CYSTM1: variants seen among roughly 807,000 people sequenced by gnomAD.
CYSTM1 encodes the protein cysteine rich transmembrane module containing 1.
CYSTM1 carries 4 observed loss-of-function variants against 13.1 expected under a neutral mutation model. The observed-to-expected ratio is 0.31, with a 90% CI of 0.15 to 0.70. The LOEUF (loss-of-function observed/expected upper bound fraction) is 0.70, where lower values mean the gene tolerates loss of function less well. Ranked by LOEUF, CYSTM1 falls within the 30% of genes least tolerant of loss-of-function variation. The pLI is 0.72. For missense variants in CYSTM1, 96 were observed against 121.6 expected, an observed-to-expected ratio of 0.79 and a Z score of 0.99; for synonymous variants, 36 against 42.7, an observed-to-expected ratio of 0.84 and a Z score of 0.62.
intron 2 of CYSTM1, among the ~76,000 whole-genome samples, chr5:140,235,627 G>T (rs1238154436): frequency 6.6e-6 from 1 of 151,622 alleles, no homozygotes; most frequent in African/African-American, 2.4e-5. Context: ...GGATGGTCTC[G>T]ATCTTCTGAC....
intron 1 of CYSTM1, among the ~76,000 whole-genome samples, chr5:140,188,184 C>G (rs1232244741): frequency 1.3e-5 from 2 of 150,978 alleles, no homozygotes; most frequent in African/African-American, 4.9e-5. Flanking sequence ...AAGTGATCCT[C>G]CCACCTCAGC....
intron 2 of CYSTM1, among the ~76,000 whole-genome samples, chr5:140,236,608 A>G (rs917060652): frequency 6.6e-6 from 1 of 152,210 alleles, no homozygotes; most frequent in African/African-American, 2.4e-5. Context: ...CTTTGTTCTC[A>G]TTACAACATT....
chr5:140,199,531 C>A (rs1012528945), intron 2 of CYSTM1, among the ~76,000 whole-genome samples: 3 of 152,206 alleles, frequency 2.0e-5, no homozygotes, highest in Admixed American at 2.0e-4. Flanking sequence ...CACACTGTCG[C>A]CCAGGCTGGA....
At position 140,185,570 on chromosome 5, in the gene CYSTM1, A is replaced by G. The variant is rs146150137; in HGVS notation, c.-20-8876A>G. Among the ~76,000 whole-genome samples the G allele has an allele frequency of 2.1e-3, 315 of 152,346 alleles. 1 individual carries two copies. Among genetic ancestry groups the G allele is most frequent in the African/African-American group, 7.4e-3 (309 of 41,572 alleles). ...AAGAAGAGCAATTTAGAAAATGGCA[A>G]TACCCAGCAATGTGTTTAAAATGCT... On this transcript the variant is annotated intron_variant, in intron 1 of 2. Transcript: ENST00000261811.
intron 1 of CYSTM1, among the ~76,000 whole-genome samples, chr5:140,191,208 GA>G (rs1421411855): frequency 6.6e-6 from 1 of 152,148 alleles, no homozygotes; most frequent in Non-Finnish European, 1.5e-5. Context: ...AGAGGAAACT[GA>G]AAATAGATCC....
chr5:140,189,988 C>A (rs935291134), intron 1 of CYSTM1, among the ~76,000 whole-genome samples: 9 of 152,078 alleles, frequency 5.9e-5, no homozygotes, highest in Admixed American at 5.9e-4. Context: ...TCTCCCAACA[C>A]AAGGATAACC....
rs189447199 is a variant in CYSTM1, at chr5:140,197,628, G to A, written c.187+2976G>A. Reference sequence around the variant, plus strand: ...ATTCCTTGCTTTGGTATTGCTTGTGGGATTCTCAGTCAGAATTATGTGTTC... The same window carrying A: ...ATTCCTTGCTTTGGTATTGCTTGTGAGATTCTCAGTCAGAATTATGTGTTC... On this transcript the variant is annotated intron_variant, in intron 2 of 2. Transcript: ENST00000261811. 9.8e-4 allele frequency among the ~76,000 whole-genome samples: 149 copies of A among 152,190 alleles called. 1 individual carries two copies. Among genetic ancestry groups the A allele is most frequent in the Middle Eastern group, 3.4e-3 (1 of 294 alleles).
At chr5:140,177,546 G>A (rs557629579) in intron 1 of CYSTM1, among the ~76,000 whole-genome samples, 4 of 152,274 alleles carry the variant, frequency 2.6e-5, no homozygotes, top group Non-Finnish European at 5.9e-5. Flanking sequence ...GAAGGTGGCC[G>A]CAGCTGGTTT....
At chr5:140,184,228 C>G (rs1015422590) in intron 1 of CYSTM1, among the ~76,000 whole-genome samples, 2 of 152,074 alleles carry the variant, frequency 1.3e-5, no homozygotes, top group African/African-American at 4.8e-5. Context: ...TTTTTCCCAC[C>G]ATGTTGGTGC....
At position 140,223,525 on chromosome 5, in the gene CYSTM1, G is replaced by A. The variant is rs574783452; in HGVS notation, c.188-19780G>A. Among the ~76,000 whole-genome samples, 9 of 152,334 alleles carry A rather than the reference G, an allele frequency of 5.9e-5. No homozygotes were observed. In the East Asian group the frequency reaches 1.5e-3, roughly 26 times the overall value. ...CTGAGCTGGGATGAGCTGACAAAAA[G>A]GATCAGTACATGCTTAGTACTGCGG... On this transcript the variant is annotated intron_variant, in intron 2 of 2. Coordinates refer to ENST00000261811, the MANE Select transcript of CYSTM1 (RefSeq NM_032412.4).
At chr5:140,231,490 A>G (rs1307416034) in intron 2 of CYSTM1, among the ~76,000 whole-genome samples, 1 of 152,226 alleles carries the variant, frequency 6.6e-6, no homozygotes, top group African/African-American at 2.4e-5. Flanking sequence ...CAAACCCCCA[A>G]TCCCTGCTTT....
intron 2 of CYSTM1, among the ~76,000 whole-genome samples, chr5:140,211,669 A>G (rs1298786083): frequency 6.6e-6 from 1 of 152,204 alleles, no homozygotes; most frequent in African/African-American, 2.4e-5. Flanking sequence ...TTCAGTGGCC[A>G]GGTGCAGTGG....
At chr5:140,235,809 A>T (rs1368485427) in intron 2 of CYSTM1, among the ~76,000 whole-genome samples, 3 of 152,172 alleles carry the variant, frequency 2.0e-5, no homozygotes, top group African/African-American at 7.2e-5. Flanking sequence ...CCCAGCTCAC[A>T]CCGTGGTCCT....
rs1253533982 is a variant in CYSTM1, at chr5:140,175,289, A to C, written c.-21+4A>C. 1.3e-5 allele frequency: 2 copies of C among 152,424 alleles called. No homozygotes were observed. The highest frequency in any genetic ancestry group is 2.4e-5 in the African/African-American group (1 of 41,440). 9.4% of individuals were successfully genotyped at this position (152,424 alleles called of 1,614,324 possible). ...AGTCGGTTCGTGGAGAGGAGAGGTGAGGTGCAGCGGACCTGGCCCGACCCA... is the reference window on the plus strand; with the variant it reads ...AGTCGGTTCGTGGAGAGGAGAGGTGCGGTGCAGCGGACCTGGCCCGACCCA... On this transcript the variant is annotated splice_donor_region_variant and intron_variant, in intron 1 of 2. Coordinates refer to ENST00000261811, the MANE Select transcript of CYSTM1 (RefSeq NM_032412.4). This position sits in a 1 kb window ranked among gnomAD's most constrained non-coding sequence, Gnocchi z 4.9.
intron 2 of CYSTM1, among the ~76,000 whole-genome samples, chr5:140,237,909 G>A (rs1266902218): frequency 6.6e-6 from 1 of 152,180 alleles, no homozygotes; most frequent in African/African-American, 2.4e-5. Context: ...GGTGGCAAAT[G>A]CACTTCTGAA....
chr5:140,200,855 G>C (rs558606807), intron 2 of CYSTM1: 2 of 152,092 alleles, frequency 1.3e-5, no homozygotes, highest in Non-Finnish European at 2.9e-5. Context: ...CATCGCGCCC[G>C]GCCTCTTCCC....
intron 1 of CYSTM1, among the ~76,000 whole-genome samples, chr5:140,185,080 T>G (rs1168178805): frequency 6.6e-6 from 1 of 152,242 alleles, no homozygotes; most frequent in Non-Finnish European, 1.5e-5. Flanking sequence ...CTAAATAGTT[T>G]GTAGATTTTT....
At chr5:140,185,724 TG>T (rs1764008598) in intron 1 of CYSTM1, among the ~76,000 whole-genome samples, 1 of 152,224 alleles carries the variant, frequency 6.6e-6, no homozygotes, top group Non-Finnish European at 1.5e-5. Context: ...GCTATCCCCC[TG>T]GGGCTCCTGT....
intron 2 of CYSTM1, among the ~76,000 whole-genome samples, chr5:140,222,005 C>T (rs913051598): frequency 1.3e-5 from 2 of 152,224 alleles, no homozygotes; most frequent in Non-Finnish European, 2.9e-5. Flanking sequence ...TTGGTGGGCA[C>T]TGGACTAGGC....
Sources: allele counts gnomAD v4.1 joint callset (sites outside exome capture counted in the v4.1 genomes callset), GRCh38; gene constraint gnomAD v4.1.1; non-coding constraint Gnocchi (gnomAD v3.1); transcripts MANE v1.5; gene names NCBI Gene and HGNC (gene_info 2026-07-23, HGNC 2026-07-21).